WBP11: variants seen among roughly 807,000 people sequenced by gnomAD.
WBP11 encodes WW domain-binding protein 11.
In WBP11, 12 loss-of-function variants were observed where a neutral mutation model predicts 66.7. The ratio of observed to expected loss-of-function variants is 0.18; its 90% CI spans 0.12 to 0.29. WBP11 has a LOEUF of 0.29. Among genes scored for constraint, WBP11 ranks in the 10% least tolerant of loss-of-function variants. The pLI, the probability that WBP11 is intolerant of heterozygous loss-of-function variation, is 1.00. For synonymous variants in WBP11, 255 were observed against 273.8 expected, an observed-to-expected ratio of 0.93 and a Z score of 0.68; for missense variants, 555 against 818.3, an observed-to-expected ratio of 0.68 and a Z score of 3.93.
intron 4 of WBP11, among the ~76,000 whole-genome samples, chr12:14,798,955 A>G (rs952603810): frequency 1.3e-5 from 2 of 152,178 alleles, no homozygotes; most frequent in Non-Finnish European, 2.9e-5. Flanking sequence ...AACAGAATGG[A>G]TATTTGTGGG....
At chr12:14,799,134 C>G (rs1949929865) in intron 4 of WBP11, among the ~76,000 whole-genome samples, 1 of 152,000 alleles carries the variant, frequency 6.6e-6, no homozygotes, top group South Asian at 2.1e-4. Flanking sequence ...GGCAGAGAAT[C>G]CTGGTATAGT....
chr12:14,797,972 T>G (rs1197503383), intron 4 of WBP11, among the ~76,000 whole-genome samples: 1 of 152,156 alleles, frequency 6.6e-6, no homozygotes, highest in Non-Finnish European at 1.5e-5. Flanking sequence ...CATCTTTTTT[T>G]TATGTTAAGA....
At chr12:14,789,413 T>C (rs901653569) in intron 10 of WBP11, among the ~76,000 whole-genome samples, 1 of 151,340 alleles carries the variant, frequency 6.6e-6, no homozygotes, top group African/African-American at 2.4e-5. Flanking sequence ...TGAAACCCCA[T>C]CTCTACTAAA....
intron 8 of WBP11, among the ~76,000 whole-genome samples, chr12:14,793,456 C>T (rs552929915): frequency 2.0e-5 from 3 of 152,240 alleles, no homozygotes; most frequent in African/African-American, 7.2e-5. Context: ...ACCCATAATA[C>T]GTTTATGCTG....
intron 2 of WBP11, 175 bp downstream of exon 2, chr12:14,801,145 G>T: frequency 3.9e-6 from 2 of 518,604 alleles, no homozygotes; most frequent in South Asian, 4.1e-5. Context: ...TAAAATACGG[G>T]TACTAATTTC....
chr12:14,799,028 C>T (rs1949928499), intron 4 of WBP11, among the ~76,000 whole-genome samples: 1 of 152,094 alleles, frequency 6.6e-6, no homozygotes, highest in Non-Finnish European at 1.5e-5. Context: ...AAAAAGATAA[C>T]ATGCAGCTAT....
intron 11 of WBP11, among the ~76,000 whole-genome samples, 162 bp from the exon 12 acceptor site, chr12:14,787,660 T>G (rs1231046645): frequency 6.6e-6 from 1 of 152,222 alleles, no homozygotes; most frequent in Non-Finnish European, 1.5e-5. Context: ...CTCAGGAATA[T>G]TTTATTATAA....
chr12:14,797,556 T>G (rs1237114238), intron 4 of WBP11, among the ~76,000 whole-genome samples: 5 of 152,188 alleles, frequency 3.3e-5, no homozygotes, highest in African/African-American at 1.2e-4. Context: ...ACTAATCATG[T>G]GTCAATATGG....
chr12:14,803,340 C>A lies in WBP11; in HGVS notation c.-46+12G>T. 7.5e-6 allele frequency: 3 copies of A among 398,590 alleles called. No individual in the cohort carries two copies. The highest frequency in any genetic ancestry group is 2.6e-4 in the South Asian group (2 of 7,834). The allele number at this position is 398,590 out of a possible 1,614,324, so 24.7% of individuals were successfully genotyped here. A position where few individuals can be genotyped will look rare whatever the true frequency, so the allele number is the denominator to read the frequency against. ...GGTGAGGAAGAGTAGTAAATCAATT[C>A]AATACACTCACACTTCTGCTGTGCT... On this transcript the variant is annotated intron_variant, in intron 1 of 11. Coordinates refer to ENST00000261167, the MANE Select transcript of WBP11 (RefSeq NM_016312.3).
In WBP11 at chr12:14,785,916, T is replaced by G. The variant is rs182796294; in HGVS notation, c.*1149A>C. 11 of 151,016 alleles carry G rather than the reference T, an allele frequency of 7.3e-5. No homozygotes were observed. The highest frequency in any genetic ancestry group is 3.3e-4 in the Admixed American group (5 of 15,098). The allele number at this position is 151,016 out of a possible 1,614,324, so 9.4% of individuals were successfully genotyped here. A position where few individuals can be genotyped will look rare whatever the true frequency, so the allele number is the denominator to read the frequency against. On this transcript the variant is annotated 3_prime_UTR_variant, in exon 12 of 12. Transcript: ENST00000261167. ...CCAGAAAAGTTATCTATAGGGTTAA[T>G]TGGTAGATGAGTTAGTCATTAAATT...
At chr12:14,799,517 C>G in intron 4 of WBP11, 118 bp downstream of exon 4, 1 of 950,958 alleles carries the variant, frequency 1.1e-6, no homozygotes, top group Non-Finnish European at 1.5e-6. Flanking sequence ...AACATTAAAT[C>G]CAAGCATCAA....
chr12:14,794,622 C>A lies in WBP11; in HGVS notation c.636G>T (p.Val212=). The change falls in exon 7 of 12, where the codon GTG becomes GTT. Residue 212 remains valine, a synonymous_variant. Transcript: ENST00000261167. ...PPPGPPPPQV[V]QMYGRKVGFA... Reference sequence around the variant, plus strand: ...AACCCACTTTACGGCCATACATCTGCACGACTTGAGGAGGAGGTGGACCAG... The same window carrying A: ...AACCCACTTTACGGCCATACATCTGAACGACTTGAGGAGGAGGTGGACCAG... 1 of 1,614,012 alleles carries A rather than the reference C, an allele frequency of 6.2e-7. No individual in the cohort carries two copies. The highest frequency in any genetic ancestry group is 8.5e-7 in the Non-Finnish European group (1 of 1,179,998).
chr12:14,799,166 G>A (rs1949930117), intron 4 of WBP11, among the ~76,000 whole-genome samples: 1 of 152,094 alleles, frequency 6.6e-6, no homozygotes, highest in South Asian at 2.1e-4. Context: ...TGGTTTTTAG[G>A]TATTTGATGA....
chr12:14,794,181 C>T (rs1456289609), intron 7 of WBP11, among the ~76,000 whole-genome samples: 1 of 152,108 alleles, frequency 6.6e-6, no homozygotes, highest in African/African-American at 2.4e-5. Context: ...CCCATTTCCT[C>T]CTTTAGCAAC....
Position 14,785,534 on chromosome 12 carries a change from A to T in WBP11, c.*1531T>A, listed in dbSNP as rs893109968. 1 of 152,208 alleles carries T rather than the reference A, an allele frequency of 6.6e-6. No individual in the cohort carries two copies. The highest frequency in any genetic ancestry group is 1.5e-5 in the Non-Finnish European group (1 of 68,028). The allele number at this position is 152,208 out of a possible 1,614,324, so 9.4% of individuals were successfully genotyped here. On this transcript the variant is annotated 3_prime_UTR_variant, in exon 12 of 12. Coordinates refer to ENST00000261167, the MANE Select transcript of WBP11 (RefSeq NM_016312.3). ...TAATATTACACTAAAAAACCAACCC[A>T]AAACGGTCTATTTAGTGCTTTGGCA...
At chr12:14,794,446 T>C (rs1047494217) in intron 7 of WBP11, 91 bp downstream of exon 7, 1 of 1,416,372 alleles carries the variant, frequency 7.1e-7, no homozygotes. Flanking sequence ...TCTCATTTAC[T>C]TTCTAAGTTC....
rs779511188 is a variant in WBP11, at chr12:14,794,587, T to C, written c.671A>G (p.Asp224Gly). The C allele has an allele frequency of 1.3e-5, 21 of 1,614,012 alleles. No homozygotes were observed. The South Asian group carries it at 1.3e-4, about 10-fold the overall frequency. Residue 224 changes from aspartate (D) to glycine (G), a missense_variant, in exon 7 of 12, where the codon GAT (aspartate) becomes GGT (glycine). This residue lies in a region of WBP11 where 220 missense variants were observed against 268.2 expected (regional missense o/e 0.82). Transcript: ENST00000261167. ...MYGRKVGFAL[D>G]LPPRRRDEDM... is the part of the protein sequence containing the mutation. ...TTCATCTCGCCTACGAGGGGGAAGA[T>C]CTAGGGCAAAACCCACTTTACGGCC...
Position 14,801,308 on chromosome 12 carries a change from A to G in WBP11, c.64+12T>C, listed in dbSNP as rs758424467. On this transcript the variant is annotated intron_variant, in intron 2 of 11. Transcript: ENST00000261167. ...TCTCCTACTTCATCATTCCACACTA[A>G]TGGACACTTACGGGCTTGGTCTGTG... is the stretch of plus-strand genomic sequence containing the variant. 1 of 1,612,676 alleles carries G rather than the reference A, an allele frequency of 6.2e-7. No individual in the cohort carries two copies. Among genetic ancestry groups the G allele is most frequent in the Non-Finnish European group, 8.5e-7 (1 of 1,179,060 alleles).
At position 14,787,432 on chromosome 12, in the gene WBP11, G is replaced by A; in HGVS notation, c.1559C>T (p.Pro520Leu). The A allele has an allele frequency of 6.4e-7, 1 of 1,550,496 alleles. No individual in the cohort carries two copies. Among genetic ancestry groups the A allele is most frequent in the Non-Finnish European group, 8.7e-7 (1 of 1,146,088 alleles). The stretch of plus-strand genomic sequence containing the variant: ...CAAGGGAGCTGGTGGGAACAGCCCA[G>A]GGGGGGCAGGTCCAAGGGGAGGCAC... ...PLVPPLGPAP[P>L]GLFPPAPLPN... The change falls in exon 12 of 12, where the codon CCT becomes CTT. Residue 520 changes from proline (P) to leucine (L), a missense_variant. Pro to Leu is a moderately conservative substitution (Grantham distance 98). Around this residue, in one of 6 missense-constraint regions of WBP11, gnomAD observed 230 missense variants for 286.3 expected, o/e 0.80. Transcript: ENST00000261167.
Sources: allele counts gnomAD v4.1 joint callset (sites outside exome capture counted in the v4.1 genomes callset), GRCh38; gene constraint gnomAD v4.1.1; regional missense constraint gnomAD v4.1.1; transcripts MANE v1.5; gene names NCBI Gene and HGNC (gene_info 2026-07-23, HGNC 2026-07-21).